The following NRXN3 variants were observed in gnomAD, a reference collection of about 807,000 sequenced individuals.
The protein encoded by NRXN3 is neurexin 3.
NRXN3 carries 32 observed loss-of-function variants against 137.6 expected under a neutral mutation model. The observed-to-expected ratio is 0.23, with a 90% CI of 0.18 to 0.31. NRXN3 has a LOEUF of 0.31. Ranked by LOEUF, NRXN3 falls within the 10% of genes least tolerant of loss-of-function variation. The pLI is 1.00. For missense variants in NRXN3, 1,574 were observed against 2,062.5 expected (o/e 0.76, Z 4.59); for synonymous variants, 798 against 784.5 (o/e 1.02, Z -0.29).
rs376909751 is a variant in NRXN3 at position 79,836,814 on chromosome 14, AC to A, written c.4094-24527del. ...TTGTTTACATAGCACCCACACACACACAAAAAATCCTGACTCACTAGCTTCT... is the reference window on the plus strand; with the variant it reads ...TTGTTTACATAGCACCCACACACACAAAAAAATCCTGACTCACTAGCTTCT... On this transcript the variant is annotated intron_variant, in intron 20 of 20. Transcript: ENST00000335750. 2.6e-5 allele frequency among the ~76,000 whole-genome samples: 4 copies of A among 152,006 alleles called. No homozygotes were observed. In the South Asian group the frequency reaches 6.2e-4, roughly 24 times the overall value.
chr14:79,768,874 A>G (rs1158780237), intron 19 of NRXN3, among the ~76,000 whole-genome samples: 5 of 151,760 alleles, frequency 3.3e-5, no homozygotes, highest in African/African-American at 1.2e-4. Flanking sequence ...GAAAACTTTG[A>G]AAAAAATTTA....
At chr14:79,752,415 A>G (rs554320127) in intron 19 of NRXN3, among the ~76,000 whole-genome samples, 96 of 152,292 alleles carry the variant, frequency 6.3e-4, no homozygotes, top group African/African-American at 2.2e-3. Flanking sequence ...ATAACGCTGC[A>G]TATCTACAAC....
intron 4 of NRXN3, among the ~76,000 whole-genome samples, chr14:78,609,034 G>T (rs1216250438): frequency 6.6e-6 from 1 of 152,056 alleles, no homozygotes; most frequent in African/African-American, 2.4e-5. Context: ...TATGCTTTGG[G>T]AGGGAGTGAA....
intron 2 of NRXN3, among the ~76,000 whole-genome samples, chr14:78,272,894 C>T (rs74551925): frequency 0.054 from 8,167 of 152,104 alleles, 457 homozygotes; most frequent in African/African-American, 0.14. Flanking sequence ...AGGATGCCAA[C>T]TCCCTTAAAT....
At chr14:78,713,765 GA>G (rs917579588) in intron 7 of NRXN3, among the ~76,000 whole-genome samples, 1 of 152,172 alleles carries the variant, frequency 6.6e-6, no homozygotes, top group Non-Finnish European at 1.5e-5. Context: ...GCCAGCCAGA[GA>G]AATGCCAGAT....
At chr14:78,237,042 A>G (rs2066413936) in intron 1 of NRXN3, among the ~76,000 whole-genome samples, 1 of 152,224 alleles carries the variant, frequency 6.6e-6, no homozygotes, top group African/African-American at 2.4e-5. Context: ...GTATAAGAAC[A>G]AGCCTCTGTC....
intron 15 of NRXN3, among the ~76,000 whole-genome samples, chr14:79,164,134 C>T (rs372962470): frequency 6.6e-6 from 1 of 151,850 alleles, no homozygotes; most frequent in East Asian, 1.9e-4. Context: ...CCTTGTATTG[C>T]TCTTTAGACC....
intron 16 of NRXN3, among the ~76,000 whole-genome samples, chr14:79,637,289 A>ATAT (rs201895873): frequency 6.6e-6 from 1 of 152,162 alleles, no homozygotes; most frequent in Non-Finnish European, 1.5e-5. Flanking sequence ...AGAAGAATTG[A>ATAT]TATTATTATT....
At chr14:79,207,399 G>C (rs1466513398) in intron 15 of NRXN3, among the ~76,000 whole-genome samples, 2 of 152,112 alleles carry the variant, frequency 1.3e-5, no homozygotes, top group African/African-American at 4.8e-5. Flanking sequence ...TGGAAATCTG[G>C]GACATAGTAA....
intron 15 of NRXN3, among the ~76,000 whole-genome samples, chr14:79,118,163 A>G (rs2054784884): frequency 6.6e-6 from 1 of 152,170 alleles, no homozygotes; most frequent in Non-Finnish European, 1.5e-5. Flanking sequence ...GGGAAAAAAA[A>G]AAAAAAAAGG....
intron 4 of NRXN3, among the ~76,000 whole-genome samples, chr14:78,337,267 C>T (rs1324435798): frequency 6.6e-6 from 1 of 152,132 alleles, no homozygotes; most frequent in Non-Finnish European, 1.5e-5. Flanking sequence ...GAGGGAATTA[C>T]ATGACCTCCC....
rs541403555 is a variant in NRXN3, at chr14:79,270,497, G to A, written c.3263-196724G>A. On this transcript the variant is annotated intron_variant, in intron 15 of 20. Transcript: ENST00000335750. ...GGCTAGGTAACTTGTCCAAGGAAAC[G>A]ATTGAGCAGAGATTTGAACTTAAGC... Among the ~76,000 whole-genome samples the A allele has an allele frequency of 2.0e-5, 3 of 152,256 alleles. No homozygotes were observed. The East Asian group carries it at 5.8e-4, about 29-fold the overall frequency.
chr14:79,427,158 A>C (rs141201584), intron 15 of NRXN3, among the ~76,000 whole-genome samples: 3 of 152,168 alleles, frequency 2.0e-5, no homozygotes, highest in Non-Finnish European at 4.4e-5. Flanking sequence ...TTCAACTAAC[A>C]GGAGGAGAGA....
chr14:79,095,545 C>T (rs1410874996), intron 15 of NRXN3, among the ~76,000 whole-genome samples: 1 of 104,758 alleles, frequency 9.5e-6, no homozygotes, highest in African/African-American at 3.3e-5. Flanking sequence ...AACATATTTA[C>T]AGAGCACCTA....
At chr14:79,030,648 T>A (rs1379562815) in intron 15 of NRXN3, among the ~76,000 whole-genome samples, 1 of 148,512 alleles carries the variant, frequency 6.7e-6, no homozygotes, top group Non-Finnish European at 1.5e-5. Context: ...TTTTTTTTTT[T>A]TTTTTTTTTT....
intron 4 of NRXN3, among the ~76,000 whole-genome samples, chr14:78,386,971 G>A (rs1043317935): frequency 3.3e-5 from 5 of 151,772 alleles, no homozygotes; most frequent in South Asian, 2.1e-4. Flanking sequence ...TAGTAGAGAC[G>A]GGGTTTCACC....
intron 8 of NRXN3, among the ~76,000 whole-genome samples, chr14:78,764,637 G>A (rs754783437): frequency 9.9e-5 from 15 of 152,150 alleles, no homozygotes; most frequent in East Asian, 1.9e-4. Context: ...CTTTTCTCAC[G>A]TTGCCAAAGT....
intron 4 of NRXN3, among the ~76,000 whole-genome samples, chr14:78,531,337 T>G (rs2096458958): frequency 6.6e-6 from 1 of 152,174 alleles, no homozygotes; most frequent in African/African-American, 2.4e-5. Flanking sequence ...ATGTCAATCT[T>G]CTCAGTGTCT....
intron 4 of NRXN3, among the ~76,000 whole-genome samples, chr14:78,386,727 A>T (rs370660299): frequency 6.6e-6 from 1 of 152,110 alleles, no homozygotes; most frequent in Admixed American, 6.5e-5. Context: ...GGGTGGTGCC[A>T]TGTTCACTGC....
Sources: gnomAD v4.1 joint callset for allele counts (sites outside exome capture counted in the v4.1 genomes callset) on GRCh38, gnomAD v4.1.1 for gene constraint, MANE v1.5 for transcripts, NCBI Gene and HGNC (gene_info 2026-07-23, HGNC 2026-07-21) for gene names.